NDUFAF5: variants seen among roughly 807,000 people sequenced by gnomAD.
NDUFAF5 encodes the protein arginine-hydroxylase NDUFAF5, mitochondrial.
Under a neutral mutation model 48.9 loss-of-function variants are expected in NDUFAF5, and 34 were observed. That is an observed-to-expected ratio of 0.70 (90% CI 0.53 to 0.93). NDUFAF5 has a LOEUF of 0.93. Ranked by LOEUF, NDUFAF5 falls within the 40% of genes least tolerant of loss-of-function variation. The pLI is 0.00. For missense variants in NDUFAF5, 428 were observed against 427.5 expected (o/e 1.00, Z -0.01); for synonymous variants, 153 against 150.6 (o/e 1.02, Z -0.12).
At chr20:13,809,827 G>A (rs760313492) in intron 8 of NDUFAF5, among the ~76,000 whole-genome samples, 1 of 152,200 alleles carries the variant, frequency 6.6e-6, no homozygotes. Context: ...GAGATGTTTA[G>A]GAGATAAATT....
chr20:13,812,469 G>A (rs1381267722), intron 8 of NDUFAF5, among the ~76,000 whole-genome samples: 1 of 152,154 alleles, frequency 6.6e-6, no homozygotes, highest in Admixed American at 6.5e-5. Flanking sequence ...TAATAAAAAT[G>A]TTATTCAAAT....
intron 3 of NDUFAF5, 97 bp downstream of exon 3, chr20:13,788,749 A>G: frequency 1.3e-6 from 1 of 754,836 alleles, no homozygotes; most frequent in Non-Finnish European, 2.2e-6. Context: ...ACATATTTAG[A>G]TTTTAATTAT....
intron 9 of NDUFAF5, 40 bp from the exon 10 acceptor site, chr20:13,816,835 C>CT: frequency 7.1e-7 from 1 of 1,412,280 alleles, no homozygotes; most frequent in Non-Finnish European, 1.0e-6. Context: ...TTTTTTCCTA[C>CT]TTGCATTTTT....
At chr20:13,789,648 TG>T (rs1981939927) in intron 3 of NDUFAF5, among the ~76,000 whole-genome samples, 1 of 152,022 alleles carries the variant, frequency 6.6e-6, no homozygotes. Flanking sequence ...GCTAATTTTT[TG>T]TATTTTTTAG....
At chr20:13,794,204 A>G (rs954314037) in intron 4 of NDUFAF5, among the ~76,000 whole-genome samples, 1 of 151,428 alleles carries the variant, frequency 6.6e-6, no homozygotes, top group Non-Finnish European at 1.5e-5. Context: ...AGGCTTTTTC[A>G]TCTAAGGGTA....
rs772541889 is a variant in NDUFAF5, at chr20:13,793,175, T to C, written c.328-5T>C. ...TTTGTTTCAGCTTCAGTTATTCCAT[T>C]GCAGGAAACTATTGGAAAGTTTTTC... On this transcript the variant is annotated splice_polypyrimidine_tract_variant and splice_region_variant and intron_variant, in intron 3 of 10. Coordinates refer to ENST00000378106, the MANE Select transcript of NDUFAF5 (RefSeq NM_024120.5). 1 of 1,614,028 alleles carries C rather than the reference T, an allele frequency of 6.2e-7. No individual in the cohort carries two copies. Among genetic ancestry groups the C allele is most frequent in the East Asian group, 2.2e-5 (1 of 44,840 alleles).
chr20:13,788,746 T>C (rs888810974), intron 3 of NDUFAF5, 94 bp downstream of exon 3: 1 of 790,062 alleles, frequency 1.3e-6, no homozygotes, highest in East Asian at 2.6e-5. Context: ...GCAACATATT[T>C]AGATTTTAAT....
At chr20:13,816,675 A>G in intron 9 of NDUFAF5, 129 bp downstream of exon 9, 1 of 826,476 alleles carries the variant, frequency 1.2e-6, no homozygotes, top group Non-Finnish European at 2.1e-6. Context: ...CCTTCCTCTC[A>G]AAACACAGAT....
At chr20:13,790,149 G>C (rs1399356529) in intron 3 of NDUFAF5, among the ~76,000 whole-genome samples, 1 of 152,110 alleles carries the variant, frequency 6.6e-6, no homozygotes, top group Non-Finnish European at 1.5e-5. Flanking sequence ...TTGAAGAAGA[G>C]AAAGGGTAGA....
intron 7 of NDUFAF5, chr20:13,803,184 T>C (rs1476468745): frequency 1.3e-5 from 2 of 152,184 alleles, no homozygotes; most frequent in African/African-American, 4.8e-5. Context: ...GCCCCTGATG[T>C]TGGAAAGGAG....
intron 3 of NDUFAF5, among the ~76,000 whole-genome samples, chr20:13,792,194 C>G (rs1982393206): frequency 6.6e-6 from 1 of 152,228 alleles, no homozygotes; most frequent in African/African-American, 2.4e-5. Flanking sequence ...CAGGAGTGTG[C>G]TGGAGCTGGC....
chr20:13,785,782 G>A (rs886995823), intron 1 of NDUFAF5, among the ~76,000 whole-genome samples: 2 of 152,174 alleles, frequency 1.3e-5, no homozygotes, highest in African/African-American at 2.4e-5. Flanking sequence ...AGCTCATTAA[G>A]AGCTTTTATA....
At position 13,817,566 on chromosome 20, in the gene NDUFAF5, A is replaced by G. The variant is rs986007826; in HGVS notation, c.*356A>G. The G allele has an allele frequency of 2.2e-5, 10 of 462,942 alleles. No homozygotes were observed. The highest frequency in any genetic ancestry group is 4.0e-5 in the African/African-American group (2 of 50,468). 28.7% of individuals were successfully genotyped at this position (462,942 alleles called of 1,614,324 possible). On this transcript the variant is annotated 3_prime_UTR_variant, in exon 11 of 11. Transcript: ENST00000378106. ...TACTGTTTTCTTTGCCTTGAAGAGG[A>G]ACAGATGAATATGCACCTTCTCCAG...
chr20:13,803,823 C>T (rs1167489732), intron 7 of NDUFAF5, among the ~76,000 whole-genome samples: 1 of 151,890 alleles, frequency 6.6e-6, no homozygotes, highest in Non-Finnish European at 1.5e-5. Context: ...TTTCACTCTG[C>T]CACCCAGGCT....
intron 4 of NDUFAF5, 124 bp downstream of exon 4, chr20:13,793,351 G>T: frequency 1.1e-6 from 1 of 881,266 alleles, no homozygotes; most frequent in Non-Finnish European, 1.8e-6. Context: ...AACTCATACA[G>T]GAAATATCAA....
intron 3 of NDUFAF5, among the ~76,000 whole-genome samples, chr20:13,789,456 C>T (rs1221587179): frequency 3.4e-5 from 5 of 148,104 alleles, no homozygotes; most frequent in East Asian, 2.0e-4. Flanking sequence ...TGAGCTACTG[C>T]GCCCAGCCTT....
chr20:13,805,062 C>T (rs902230794), intron 7 of NDUFAF5, among the ~76,000 whole-genome samples: 4 of 152,050 alleles, frequency 2.6e-5, no homozygotes, highest in Non-Finnish European at 5.9e-5. Context: ...TCTTGAGAAT[C>T]GTCTCCTATA....
intron 2 of NDUFAF5, 26 bp downstream of exon 2, chr20:13,787,378 T>G (rs1272559900): frequency 9.3e-6 from 15 of 1,606,864 alleles, no homozygotes; most frequent in Non-Finnish European, 1.3e-5. Flanking sequence ...CATAATACAA[T>G]ACCATCAACT....
At chr20:13,802,870 TCCTC>T (rs1163684575) in intron 7 of NDUFAF5, among the ~76,000 whole-genome samples, 1 of 152,014 alleles carries the variant, frequency 6.6e-6, no homozygotes, top group African/African-American at 2.4e-5. Flanking sequence ...GCCCTCTTCT[TCCTC>T]CCTCCACTAA....
Sources: gnomAD v4.1 joint callset for allele counts (sites outside exome capture counted in the v4.1 genomes callset) on GRCh38, gnomAD v4.1.1 for gene constraint, MANE v1.5 for transcripts, NCBI Gene and HGNC (gene_info 2026-07-23, HGNC 2026-07-21) for gene names.